EPN2: variants seen among roughly 807,000 people sequenced by gnomAD.
EPN2 encodes epsin 2, also known as epsin-2.
EPN2 carries 34 observed loss-of-function variants against 61.7 expected under a neutral mutation model. That is an observed-to-expected ratio of 0.55 (90% confidence interval 0.42 to 0.73). The LOEUF (loss-of-function observed/expected upper bound fraction) is 0.73. EPN2 is among the 30% of genes least tolerant of loss of function. The probability of loss-of-function intolerance (pLI) is 0.00; values close to 1 mark genes in which losing one functional copy is unlikely to be tolerated. For missense variants in EPN2, 714 were observed against 839.2 expected, an observed-to-expected ratio of 0.85 and a Z score of 1.84; for synonymous variants, 349 against 353.6, an observed-to-expected ratio of 0.99 and a Z score of 0.15.
At chr17:19,296,612 TTTTA>T (rs1191475644) in intron 4 of EPN2, 1 of 152,152 alleles carries the variant, frequency 6.6e-6, no homozygotes, top group Non-Finnish European at 1.5e-5. Context: ...TTATTTTTAT[TTTTA>T]TTTATTTGTT....
At chr17:19,291,614 G>A (rs984661490) in intron 4 of EPN2, among the ~76,000 whole-genome samples, 2 of 151,260 alleles carry the variant, frequency 1.3e-5, no homozygotes, top group South Asian at 2.1e-4. Flanking sequence ...ATTTTTTTTT[G>A]TGTTTTTTGT....
At chr17:19,301,115 G>A (rs1240652870) in intron 4 of EPN2, among the ~76,000 whole-genome samples, 1 of 152,118 alleles carries the variant, frequency 6.6e-6, no homozygotes, top group African/African-American at 2.4e-5. Flanking sequence ...GGGGGAGGAT[G>A]GGAAGCGAGC....
intron 1 of EPN2, among the ~76,000 whole-genome samples, chr17:19,243,088 ACTT>A (rs2044902874): frequency 6.6e-6 from 1 of 152,156 alleles, no homozygotes; most frequent in African/African-American, 2.4e-5. Context: ...CGTAATCACT[ACTT>A]CATGAAATAG....
At chr17:19,267,889 G>A (rs2045216170) in intron 1 of EPN2, among the ~76,000 whole-genome samples, 1 of 152,178 alleles carries the variant, frequency 6.6e-6, no homozygotes, top group Non-Finnish European at 1.5e-5. Context: ...CCGGGACAGT[G>A]CTTGCACATA....
intron 7 of EPN2, among the ~76,000 whole-genome samples, chr17:19,327,535 C>T (rs1303148093): frequency 1.3e-5 from 2 of 151,942 alleles, no homozygotes; most frequent in Non-Finnish European, 2.9e-5. Flanking sequence ...ATTAGCCGGG[C>T]GTGGTGACAT....
chr17:19,294,630 TA>T (rs767607335), intron 4 of EPN2, among the ~76,000 whole-genome samples: 38 of 152,322 alleles, frequency 2.5e-4, no homozygotes, highest in African/African-American at 6.0e-4. Flanking sequence ...ACATAGTTGT[TA>T]GTTTTTGTTT....
chr17:19,305,228 T>C (rs1654304151), intron 4 of EPN2, among the ~76,000 whole-genome samples: 1 of 152,066 alleles, frequency 6.6e-6, no homozygotes, highest in Non-Finnish European at 1.5e-5. Flanking sequence ...TTCAAGTGAT[T>C]TTCATGCCTC....
At position 19,283,685 on chromosome 17, in the gene EPN2, C is replaced by T. The variant is rs1458567592; in HGVS notation, c.566C>T (p.Ala189Val). The change falls in exon 3 of 11, where the codon GCC becomes GTC. Residue 189 changes from alanine (A) to valine (V), a missense_variant. By Grantham distance (64) the Ala-to-Val change is moderately conservative (BLOSUM62 0). Transcript: ENST00000314728. The surrounding 1 kb of genome is among the most constrained non-coding windows in gnomAD (Gnocchi z 7.0). ...CACTCGGAGCAGGAGTATGGCAAGG[C>T]CGGGGGCTCCCCGGCCTCCTACCAT... ...TSHSEQEYGK[A>V]GGSPASYHGS... 1 of 1,601,456 alleles carries T rather than the reference C, an allele frequency of 6.2e-7. No homozygotes were observed. Among genetic ancestry groups the T allele is most frequent in the East Asian group, 2.2e-5 (1 of 44,668 alleles).
Position 19,250,983 on chromosome 17 carries a change from C to T in EPN2, c.-294+13452C>T, listed in dbSNP as rs1434868013. Among the ~76,000 whole-genome samples the T allele has an allele frequency of 2.0e-5, 3 of 152,122 alleles. No individual in the cohort carries two copies. In the East Asian group the frequency reaches 5.8e-4, roughly 29 times the overall value. On this transcript the variant is annotated intron_variant, in intron 1 of 10. Coordinates refer to ENST00000314728, the MANE Select transcript of EPN2 (RefSeq NM_014964.5). ...TCTACATTCTGCAGCATCTCTGGTG[C>T]TATTTTAGGTGGGATTGTTTGTGCC...
At chr17:19,284,039 G>A (rs1332562024) in intron 3 of EPN2, among the ~76,000 whole-genome samples, 1 of 152,232 alleles carries the variant, frequency 6.6e-6, no homozygotes, top group African/African-American at 2.4e-5. Context: ...CAGCAAAGGA[G>A]TTGTCCTGCT....
intron 4 of EPN2, among the ~76,000 whole-genome samples, chr17:19,298,750 C>T (rs1905322370): frequency 6.6e-6 from 1 of 152,174 alleles, no homozygotes; most frequent in Non-Finnish European, 1.5e-5. Context: ...ATGGACGTAA[C>T]CATAGTGCTT....
intron 1 of EPN2, among the ~76,000 whole-genome samples, chr17:19,261,765 C>G (rs773012023): frequency 1.5e-4 from 23 of 152,352 alleles, no homozygotes; most frequent in Non-Finnish European, 2.9e-4. Context: ...AGTGGCCTAA[C>G]AGCAGAGGCT....
chr17:19,310,040 C>T (rs1471715133), intron 5 of EPN2, 43 bp downstream of exon 5: 1 of 1,401,830 alleles, frequency 7.1e-7, no homozygotes. Flanking sequence ...ACTGCCCATG[C>T]TCAGGGTGGA....
chr17:19,295,366 A>ACACACGCGCGCGCG (rs147719775), intron 4 of EPN2, among the ~76,000 whole-genome samples: 14 of 140,392 alleles, frequency 1.0e-4, no homozygotes, highest in South Asian at 2.2e-4. Context: ...ACACACACAC[A>ACACACGCGCGCGCG]CGCGCGTGCG....
chr17:19,321,907 T>A (rs1906654120), intron 7 of EPN2, among the ~76,000 whole-genome samples: 2 of 152,128 alleles, frequency 1.3e-5, no homozygotes, highest in South Asian at 4.1e-4. Flanking sequence ...GATTTGTCAT[T>A]TCCACCATGC....
At chr17:19,247,160 AG>A (rs796612554) in intron 1 of EPN2, among the ~76,000 whole-genome samples, 3 of 152,328 alleles carry the variant, frequency 2.0e-5, no homozygotes, top group East Asian at 3.9e-4. Flanking sequence ...GATTGGAGAA[AG>A]AATTTGTATG....
At chr17:19,309,842 C>T in intron 4 of EPN2, 43 bp from the exon 5 acceptor site, 2 of 1,521,790 alleles carry the variant, frequency 1.3e-6, no homozygotes, top group Admixed American at 3.3e-5. Flanking sequence ...GGAGCTGTAT[C>T]AGCCTTGTCT....
At position 19,287,091 on chromosome 17, in the gene EPN2, C is replaced by A. The variant is rs377178313; in HGVS notation, c.766+1301C>A. 3.9e-5 allele frequency among the ~76,000 whole-genome samples: 6 copies of A among 152,148 alleles called. No homozygotes were observed. In the South Asian group the frequency reaches 1.2e-3, roughly 32 times the overall value. ...GCCCTCTAGCTCTCCCGCTGGCAAA[C>A]TGGCTTTCCTGGGACGTTTGCATGT... On this transcript the variant is annotated intron_variant, in intron 4 of 10. Transcript: ENST00000314728.
In EPN2 at chr17:19,328,610, G is replaced by T. The variant is rs913575166; in HGVS notation, c.1148-101G>T. The stretch of plus-strand genomic sequence containing the variant: ...TGATGGCTGTCTCACCTGGCACAGG[G>T]CATAGACCCTGGTGTGGCTGGCAGT... On this transcript the variant is annotated intron_variant, in intron 7 of 10. Coordinates refer to ENST00000314728, the MANE Select transcript of EPN2 (RefSeq NM_014964.5). 5.3e-6 allele frequency: 6 copies of T among 1,140,318 alleles called. 1 individual carries two copies. Among genetic ancestry groups the T allele is most frequent in the South Asian group, 4.9e-5 (3 of 61,238 alleles). The allele number at this position is 1,140,318 out of a possible 1,614,324, so 70.6% of individuals were successfully genotyped here. A position where few individuals can be genotyped will look rare whatever the true frequency, so the allele number is the denominator to read the frequency against.
Sources: gnomAD v4.1 joint callset for allele counts (sites outside exome capture counted in the v4.1 genomes callset) on GRCh38, gnomAD v4.1.1 for gene constraint, Gnocchi (gnomAD v3.1) non-coding constraint, MANE v1.5 for transcripts, NCBI Gene and HGNC (gene_info 2026-07-23, HGNC 2026-07-21) for gene names.